The following ZNRF4 variants were observed in gnomAD, a reference collection of about 807,000 sequenced individuals.
ZNRF4 encodes E3 ubiquitin-protein ligase ZNRF4.
For missense variants in ZNRF4, 569 were observed against 609.4 expected, an observed-to-expected ratio of 0.93 and a Z score of 0.70; for synonymous variants, 291 against 285.9, an observed-to-expected ratio of 1.02 and a Z score of -0.18.
At position 5,455,505 on chromosome 19, in the gene ZNRF4, G is replaced by C. The variant is rs375127837; in HGVS notation, c.14G>C (p.Arg5Pro). 14 of 1,608,348 alleles carry C rather than the reference G, an allele frequency of 8.7e-6. No individual in the cohort carries two copies. The highest frequency in any genetic ancestry group is 1.1e-5 in the Non-Finnish European group (13 of 1,177,568). ...AAGACACGACGCATGCCGCTCTGCCGTCCGGAGCACTTAATGCCTAGAGCC... is the reference window on the plus strand; with the variant it reads ...AAGACACGACGCATGCCGCTCTGCCCTCCGGAGCACTTAATGCCTAGAGCC... Reference protein sequence around the residue: MPLCRPEHLMPRASR... With the variant: MPLCPPEHLMPRASR... The change falls in exon 1 of 1, where the codon CGT becomes CCT. Residue 5 changes from arginine to proline, a missense_variant. Arg to Pro is a moderately radical substitution (Grantham distance 103). Transcript: ENST00000222033.
In ZNRF4 at chr19:5,456,636, C is replaced by G. The variant is rs2145224525; in HGVS notation, c.1145C>G (p.Pro382Arg). 6.2e-7 allele frequency: 1 copy of G among 1,613,372 alleles called. No homozygotes were observed. Among genetic ancestry groups the G allele is most frequent in the Non-Finnish European group, 8.5e-7 (1 of 1,179,392 alleles). ...EDPSLPGHRP[P>R]IWAIQVQLRS... The stretch of plus-strand genomic sequence containing the variant: ...CCCTCCCTACCGGGCCACCGGCCCC[C>G]CATCTGGGCCATTCAAGTCCAGCTA... The change falls in exon 1 of 1, where the codon CCC (proline) becomes CGC (arginine). Residue 382 changes from proline to arginine, a missense_variant. By Grantham distance (103) the Pro-to-Arg change is moderately radical. Coordinates refer to ENST00000222033, the MANE Select transcript of ZNRF4 (RefSeq NM_181710.4).
Position 5,455,501 on chromosome 19 carries a change from T to G in ZNRF4, c.10T>G (p.Cys4Gly). Residue 4 changes from cysteine (C) to glycine (G), a missense_variant, in exon 1 of 1, where the codon TGC becomes GGC. By Grantham distance (159) the Cys-to-Gly change is radical. Coordinates refer to ENST00000222033, the MANE Select transcript of ZNRF4 (RefSeq NM_181710.4). ...TTCAAAGACACGACGCATGCCGCTCTGCCGTCCGGAGCACTTAATGCCTAG... is the reference window on the plus strand; with the variant it reads ...TTCAAAGACACGACGCATGCCGCTCGGCCGTCCGGAGCACTTAATGCCTAG... MPL[C>G]RPEHLMPRAS... 1.2e-6 allele frequency: 2 copies of G among 1,605,106 alleles called. No homozygotes were observed. Among genetic ancestry groups the G allele is most frequent in the Non-Finnish European group, 1.7e-6 (2 of 1,175,406 alleles).
Position 5,456,562 on chromosome 19 carries a change from C to T in ZNRF4, c.1071C>T (p.Ala357=). ...CCGTGTGCAAACAGTCGGTGGCCGC[C>T]ACAGAAGACAGCTTTGACTCCACCA... The part of the protein sequence containing the change: ...SCPVCKQSVA[A]TEDSFDSTTY... Residue 357 remains alanine, a synonymous_variant, in exon 1 of 1, where the codon GCC becomes GCT. Transcript: ENST00000222033. 1 of 1,614,092 alleles carries T rather than the reference C, an allele frequency of 6.2e-7. No homozygotes were observed. The highest frequency in any genetic ancestry group is 8.5e-7 in the Non-Finnish European group (1 of 1,179,944).
At position 5,456,405 on chromosome 19, in the gene ZNRF4, A is replaced by G; in HGVS notation, c.914A>G (p.His305Arg). The G allele has an allele frequency of 1.2e-6, 2 of 1,613,500 alleles. No individual in the cohort carries two copies. Among genetic ancestry groups the G allele is most frequent in the Non-Finnish European group, 1.7e-6 (2 of 1,180,012 alleles). ...QKAQVRTFTW[H>R]NDLCAICLDE... ...GCCCAGGTCCGCACCTTCACGTGGCACAACGACCTGTGTGCCATCTGCCTG... is the reference window on the plus strand; with the variant it reads ...GCCCAGGTCCGCACCTTCACGTGGCGCAACGACCTGTGTGCCATCTGCCTG... Residue 305 changes from histidine to arginine, a missense_variant, in exon 1 of 1, where the codon CAC becomes CGC. Coordinates refer to ENST00000222033, the MANE Select transcript of ZNRF4 (RefSeq NM_181710.4).
rs753008591 is a variant in ZNRF4 at position 5,456,528 on chromosome 19, G to A, written c.1037G>A (p.Arg346His). Reference protein sequence around the residue: ...IDPWFSQAPRRSCPVCKQSVA... With the variant: ...IDPWFSQAPRHSCPVCKQSVA... ...CCCTGGTTCTCCCAAGCCCCCCGGCGCTCCTGCCCCGTGTGCAAACAGTCG... is the reference window on the plus strand; with the variant it reads ...CCCTGGTTCTCCCAAGCCCCCCGGCACTCCTGCCCCGTGTGCAAACAGTCG... Residue 346 changes from arginine (R) to histidine (H), a missense_variant, in exon 1 of 1, where the codon CGC becomes CAC. Coordinates refer to ENST00000222033, the MANE Select transcript of ZNRF4 (RefSeq NM_181710.4). The A allele has an allele frequency of 1.3e-5, 21 of 1,613,974 alleles. No homozygotes were observed. Among genetic ancestry groups the A allele is most frequent in the East Asian group, 1.1e-4 (5 of 44,884 alleles).
In ZNRF4 at chr19:5,455,758, G is replaced by GTCGC. The variant is rs1435567592; in HGVS notation, c.269_272dup (p.Leu92AlafsTer225). 5 of 1,604,802 alleles carry GTCGC rather than the reference G, an allele frequency of 3.1e-6. No homozygotes were observed. The Middle Eastern group carries it at 6.6e-4, about 212-fold the overall frequency. On this transcript the variant is annotated frameshift_variant, in exon 1 of 1. Transcript: ENST00000222033. LOFTEE classifies it low-confidence loss of function (END_TRUNC). ...TGGCAGTCAAAGCCTTGCTGGTCTTGTCGCTGCTCCAGGTGCCCGCGCAGG... is the reference window on the plus strand; with the variant it reads ...TGGCAGTCAAAGCCTTGCTGGTCTTGTCGCTCGCTGCTCCAGGTGCCCGCGCAGG...
rs199676664 is a variant in ZNRF4, at chr19:5,455,832, C to A, written c.341C>A (p.Ala114Glu). 10 of 1,603,984 alleles carry A rather than the reference C, an allele frequency of 6.2e-6. No individual in the cohort carries two copies. Among genetic ancestry groups the A allele is most frequent in the Middle Eastern group, 3.3e-4 (2 of 6,060 alleles). ...GACAACTCGAGCTCGGTGGACTTTG[C>A]GGATCTGCCGGCGCTGTTCGGCGTC... ...LEDNSSSVDF[A>E]DLPALFGVPL... Residue 114 changes from alanine (A) to glutamate (E), a missense_variant, in exon 1 of 1, where the codon GCG becomes GAG. Coordinates refer to ENST00000222033, the MANE Select transcript of ZNRF4 (RefSeq NM_181710.4).
At position 5,456,394 on chromosome 19, in the gene ZNRF4, C is replaced by T. The variant is rs749953749; in HGVS notation, c.903C>T (p.Thr301=). ...CCTGCCAGAAGGCCCAGGTCCGCAC[C>T]TTCACGTGGCACAACGACCTGTGTG... ...TSTCQKAQVR[T]FTWHNDLCAI... The change falls in exon 1 of 1, where the codon ACC becomes ACT. Residue 301 remains threonine, a synonymous_variant. Coordinates refer to ENST00000222033, the MANE Select transcript of ZNRF4 (RefSeq NM_181710.4). The T allele has an allele frequency of 6.2e-7, 1 of 1,613,446 alleles. No individual in the cohort carries two copies.
Position 5,456,410 on chromosome 19 carries a change from G to A in ZNRF4, c.919G>A (p.Asp307Asn), listed in dbSNP as rs781392658. The change falls in exon 1 of 1, where the codon GAC becomes AAC. Residue 307 changes from aspartate to asparagine, a missense_variant. Asp to Asn is a conservative substitution (Grantham distance 23). Coordinates refer to ENST00000222033, the MANE Select transcript of ZNRF4 (RefSeq NM_181710.4). ...GGTCCGCACCTTCACGTGGCACAAC[G>A]ACCTGTGTGCCATCTGCCTGGATGA... Reference protein sequence around the residue: ...AQVRTFTWHNDLCAICLDEYE... With the variant: ...AQVRTFTWHNNLCAICLDEYE... 1.2e-6 allele frequency: 2 copies of A among 1,613,510 alleles called. No individual in the cohort carries two copies. Among genetic ancestry groups the A allele is most frequent in the Non-Finnish European group, 1.7e-6 (2 of 1,180,020 alleles).
rs1365284500 is a variant in ZNRF4 at position 5,456,431 on chromosome 19, G to A, written c.940G>A (p.Asp314Asn). 1 of 1,613,642 alleles carries A rather than the reference G, an allele frequency of 6.2e-7. No homozygotes were observed. Among genetic ancestry groups the A allele is most frequent in the Non-Finnish European group, 8.5e-7 (1 of 1,180,036 alleles). Residue 314 changes from aspartate (D) to asparagine (N), a missense_variant, in exon 1 of 1, where the codon GAT becomes AAT. Coordinates refer to ENST00000222033, the MANE Select transcript of ZNRF4 (RefSeq NM_181710.4). ...CAACGACCTGTGTGCCATCTGCCTG[G>A]ATGAGTATGAGGAGGGCGACCAACT... ...WHNDLCAICL[D>N]EYEEGDQLKI...
Position 5,456,127 on chromosome 19 carries a change from GT to G in ZNRF4, c.638del (p.Phe213SerfsTer2). On this transcript the variant is annotated frameshift_variant, in exon 1 of 1. Coordinates refer to ENST00000222033, the MANE Select transcript of ZNRF4 (RefSeq NM_181710.4). LOFTEE classifies it low-confidence loss of function (END_TRUNC). ...LRGQIAIPSV[F>X]VSEAASQDLR... Reference sequence around the variant, plus strand: ...GGGGCCAGATCGCCATCCCCTCAGTGTTCGTGAGCGAGGCCGCCTCGCAGGA... The same window carrying G: ...GGGGCCAGATCGCCATCCCCTCAGTGTCGTGAGCGAGGCCGCCTCGCAGGA... 2.5e-6 allele frequency: 4 copies of G among 1,607,118 alleles called. No individual in the cohort carries two copies. The highest frequency in any genetic ancestry group is 3.4e-6 in the Non-Finnish European group (4 of 1,179,862).
rs757204919 is a variant in ZNRF4, at chr19:5,455,718, C to T, written c.227C>T (p.Pro76Leu). 1.3e-5 allele frequency: 21 copies of T among 1,607,022 alleles called. No homozygotes were observed. Among genetic ancestry groups the T allele is most frequent in the Middle Eastern group, 1.6e-4 (1 of 6,080 alleles). The stretch of plus-strand genomic sequence containing the variant: ...CGGGTGACCATGGGGTGGCCACGGC[C>T]GGGCCGAGCCCTCGTGGCAGTCAAA... ...AKRVTMGWPRPGRALVAVKAL... is the reference protein window; with the variant it reads ...AKRVTMGWPRLGRALVAVKAL... Residue 76 changes from proline (P) to leucine (L), a missense_variant, in exon 1 of 1, where the codon CCG becomes CTG. Physicochemically the swap from Pro to Leu is moderately conservative, Grantham distance 98. Coordinates refer to ENST00000222033, the MANE Select transcript of ZNRF4 (RefSeq NM_181710.4).
rs199956516 is a variant in ZNRF4 at position 5,456,566 on chromosome 19, G to C, written c.1075G>C (p.Glu359Gln). ...PVCKQSVAATEDSFDSTTYSF... is the reference protein window; with the variant it reads ...PVCKQSVAATQDSFDSTTYSF... ...GTGCAAACAGTCGGTGGCCGCCACA[G>C]AAGACAGCTTTGACTCCACCACCTA... The change falls in exon 1 of 1, where the codon GAA becomes CAA. Residue 359 changes from glutamate to glutamine, a missense_variant. Physicochemically the swap from Glu to Gln is conservative, Grantham distance 29. Transcript: ENST00000222033. 80 of 1,614,028 alleles carry C rather than the reference G, an allele frequency of 5.0e-5. No homozygotes were observed. The African/African-American group carries it at 9.1e-4, about 18-fold the overall frequency.
rs1259938227 is a variant in ZNRF4 at position 5,456,480 on chromosome 19, C to T, written c.989C>T (p.Thr330Ile). 1 of 1,614,020 alleles carries T rather than the reference C, an allele frequency of 6.2e-7. No individual in the cohort carries two copies. The highest frequency in any genetic ancestry group is 8.5e-7 in the Non-Finnish European group (1 of 1,180,050). ...CTCAAGATCCTGCCCTGCTCCCACACCTACCACTGCAAATGCATTGACCCC... is the reference window on the plus strand; with the variant it reads ...CTCAAGATCCTGCCCTGCTCCCACATCTACCACTGCAAATGCATTGACCCC... ...DQLKILPCSH[T>I]YHCKCIDPWF... Residue 330 changes from threonine (T) to isoleucine (I), a missense_variant, in exon 1 of 1, where the codon ACC becomes ATC. Coordinates refer to ENST00000222033, the MANE Select transcript of ZNRF4 (RefSeq NM_181710.4).
rs779975947 is a variant in ZNRF4 at position 5,455,486 on chromosome 19, C to T, written c.-6C>T. ...CTCCTGAGACCGGCCTTCAAAGACA[C>T]GACGCATGCCGCTCTGCCGTCCGGA... On this transcript the variant is annotated 5_prime_UTR_variant, in exon 1 of 1. The change creates a new upstream start codon in the 5' untranslated region. Coordinates refer to ENST00000222033, the MANE Select transcript of ZNRF4 (RefSeq NM_181710.4). 1.7e-5 allele frequency: 27 copies of T among 1,590,108 alleles called. No individual in the cohort carries two copies. Among genetic ancestry groups the T allele is most frequent in the South Asian group, 1.5e-4 (13 of 87,776 alleles).
At position 5,455,957 on chromosome 19, in the gene ZNRF4, G is replaced by C. The variant is rs1308626277; in HGVS notation, c.466G>C (p.Gly156Arg). Reference sequence around the variant, plus strand: ...CCCGCGACTGGGCAACCGCTCTCTGGGCGCCATCGTGCTGATCCGCCGCTA... The same window carrying C: ...CCCGCGACTGGGCAACCGCTCTCTGCGCGCCATCGTGCTGATCCGCCGCTA... ...EAPRLGNRSL[G>R]AIVLIRRYDC... The change falls in exon 1 of 1, where the codon GGC becomes CGC. Residue 156 changes from glycine to arginine, a missense_variant. Gly to Arg is a moderately radical substitution (Grantham distance 125, BLOSUM62 -2). Transcript: ENST00000222033. 1 of 1,600,636 alleles carries C rather than the reference G, an allele frequency of 6.2e-7. No homozygotes were observed. Among genetic ancestry groups the C allele is most frequent in the African/African-American group, 1.3e-5 (1 of 74,918 alleles).
In ZNRF4 at chr19:5,456,273, C is replaced by A. The variant is rs868055032; in HGVS notation, c.782C>A (p.Thr261Asn). The change falls in exon 1 of 1, where the codon ACC becomes AAC. Residue 261 changes from threonine to asparagine, a missense_variant. Transcript: ENST00000222033. ...VLTVSWVLGC[T>N]LALVVSAFFV... ...ACCGTGTCCTGGGTGCTGGGCTGTACCCTGGCCCTGGTCGTATCAGCCTTC... is the reference window on the plus strand; with the variant it reads ...ACCGTGTCCTGGGTGCTGGGCTGTAACCTGGCCCTGGTCGTATCAGCCTTC... 1 of 1,613,424 alleles carries A rather than the reference C, an allele frequency of 6.2e-7. No homozygotes were observed. Among genetic ancestry groups the A allele is most frequent in the African/African-American group, 1.3e-5 (1 of 74,924 alleles).
In ZNRF4 at chr19:5,456,602, G is replaced by A. The variant is rs1459541185; in HGVS notation, c.1111G>A (p.Asp371Asn). The change falls in exon 1 of 1, where the codon GAC (aspartate) becomes AAC (asparagine). Residue 371 changes from aspartate (D) to asparagine (N), a missense_variant. By Grantham distance (23) the Asp-to-Asn change is conservative. Coordinates refer to ENST00000222033, the MANE Select transcript of ZNRF4 (RefSeq NM_181710.4). ...TGACTCCACCACCTACAGCTTCAGGGACGAGGACCCCTCCCTACCGGGCCA... is the reference window on the plus strand; with the variant it reads ...TGACTCCACCACCTACAGCTTCAGGAACGAGGACCCCTCCCTACCGGGCCA... ...SFDSTTYSFRDEDPSLPGHRP... is the reference protein window; with the variant it reads ...SFDSTTYSFRNEDPSLPGHRP... 1.3e-5 allele frequency: 21 copies of A among 1,613,486 alleles called. No homozygotes were observed. Among genetic ancestry groups the A allele is most frequent in the Non-Finnish European group, 1.8e-5 (21 of 1,179,504 alleles).
Position 5,456,742 on chromosome 19 carries a change from C to T in ZNRF4, c.1251C>T (p.Thr417=), listed in dbSNP as rs779610229. 3 of 1,590,546 alleles carry T rather than the reference C, an allele frequency of 1.9e-6. No homozygotes were observed. The South Asian group carries it at 3.4e-5, about 18-fold the overall frequency. The part of the protein sequence containing the change: ...CSTTSLEAEY[T]TVSSAPPEAP... ...CCACGTCCCTGGAGGCAGAGTATAC[C>T]ACTGTCTCCTCAGCCCCTCCTGAGG... is the stretch of plus-strand genomic sequence containing the variant. The change falls in exon 1 of 1, where the codon ACC becomes ACT. Residue 417 remains threonine (T), a synonymous_variant. Coordinates refer to ENST00000222033, the MANE Select transcript of ZNRF4 (RefSeq NM_181710.4).
Sources: gnomAD v4.1 joint callset for allele counts on GRCh38, gnomAD v4.1.1 for gene constraint, MANE v1.5 for transcripts, NCBI Gene and HGNC (gene_info 2026-07-23, HGNC 2026-07-21) for gene names.